SPSB1: variants seen among roughly 807,000 people sequenced by gnomAD.
SPSB1 encodes splA/ryanodine receptor domain and SOCS box containing 1.
A neutral mutation model predicts 21.2 loss-of-function variants in SPSB1; 8 were observed. The ratio of observed to expected loss-of-function variants is 0.38; its 90% CI spans 0.22 to 0.68. The LOEUF (loss-of-function observed/expected upper bound fraction) is 0.68. SPSB1 is among the 30% of genes least tolerant of loss of function. The probability of loss-of-function intolerance (pLI) is 0.53; values close to 1 mark genes in which losing one functional copy is unlikely to be tolerated. For synonymous variants in SPSB1, 169 were observed against 161.7 expected, an observed-to-expected ratio of 1.05 and a Z score of -0.34; for missense variants, 242 against 377.8, an observed-to-expected ratio of 0.64 and a Z score of 2.98.
chr1:9,315,423 G>C (rs568528366), intron 1 of SPSB1, among the ~76,000 whole-genome samples: 1 of 152,252 alleles, frequency 6.6e-6, no homozygotes, highest in Admixed American at 6.5e-5. Context: ...TCTCACGCAA[G>C]TCTTTACAAT....
intron 1 of SPSB1, among the ~76,000 whole-genome samples, chr1:9,338,516 ACT>A (rs1194182030): frequency 2.6e-5 from 4 of 152,144 alleles, no homozygotes; most frequent in Admixed American, 1.3e-4. Context: ...TGCCCTGGCC[ACT>A]CTCTTGCCAG....
At chr1:9,333,950 G>A (rs547801123) in intron 1 of SPSB1, among the ~76,000 whole-genome samples, 2 of 152,160 alleles carry the variant, frequency 1.3e-5, no homozygotes, top group South Asian at 2.1e-4. Context: ...TCATTTTTTT[G>A]CTTTTGTCCC....
chr1:9,299,034 C>A (rs1412392726), intron 1 of SPSB1, among the ~76,000 whole-genome samples: 1 of 152,226 alleles, frequency 6.6e-6, no homozygotes, highest in African/African-American at 2.4e-5. Context: ...ACCACATCCC[C>A]ATTCAACTCT....
chr1:9,309,465 G>A (rs1188916974), intron 1 of SPSB1, among the ~76,000 whole-genome samples: 1 of 152,084 alleles, frequency 6.6e-6, no homozygotes, highest in African/African-American at 2.4e-5. Context: ...TTATAGGTAT[G>A]TGTCACCATA....
At chr1:9,326,509 G>A (rs1477614400) in intron 1 of SPSB1, among the ~76,000 whole-genome samples, 1 of 152,254 alleles carries the variant, frequency 6.6e-6, no homozygotes, top group Non-Finnish European at 1.5e-5. Flanking sequence ...CAGAGTCACT[G>A]TCTGCATGTG....
At chr1:9,330,470 T>TAATAGC (rs769709084) in intron 1 of SPSB1, among the ~76,000 whole-genome samples, 1,519 of 41,686 alleles carry the variant, frequency 0.036, 16 homozygotes, top group African/African-American at 0.12. Flanking sequence ...TGTCTCAAAA[T>TAATAGC]AATAACAATA....
At chr1:9,332,169 A>G (rs1410872008) in intron 1 of SPSB1, among the ~76,000 whole-genome samples, 1 of 151,006 alleles carries the variant, frequency 6.6e-6, no homozygotes, top group Admixed American at 6.6e-5. Flanking sequence ...TGGGCAACAT[A>G]GTGAGACCCC....
In SPSB1 at chr1:9,318,628, C is replaced by T. The variant is rs72860834; in HGVS notation, c.-150+25557C>T. Among the ~76,000 whole-genome samples the T allele has an allele frequency of 8.2e-3, 1,249 of 152,322 alleles. 13 individuals carry two copies. The highest frequency in any genetic ancestry group is 0.029 in the African/African-American group (1,191 of 41,570). On this transcript the variant is annotated intron_variant, in intron 1 of 2. Transcript: ENST00000328089. ...GGGTGTGAGACTTACCTTGCGGAAT[C>T]GTGCAGGATTGACCAAAGCCAGACC...
chr1:9,322,964 G>C (rs1295615276), intron 1 of SPSB1, among the ~76,000 whole-genome samples: 1 of 152,078 alleles, frequency 6.6e-6, no homozygotes, highest in Non-Finnish European at 1.5e-5. Flanking sequence ...ATGGGCCTTG[G>C]AAATAGGTCA....
intron 1 of SPSB1, among the ~76,000 whole-genome samples, chr1:9,337,652 C>T (rs911887098): frequency 7.2e-5 from 11 of 152,312 alleles, no homozygotes; most frequent in African/African-American, 2.4e-4. Context: ...CTGGGGGTGG[C>T]ATCCGCTCAG....
chr1:9,323,751 G>A (rs1639765270), intron 1 of SPSB1, among the ~76,000 whole-genome samples: 1 of 152,160 alleles, frequency 6.6e-6, no homozygotes, highest in Non-Finnish European at 1.5e-5. Context: ...TGGTCCTACA[G>A]GCCTCAGTGA....
At chr1:9,311,973 C>G (rs994070296) in intron 1 of SPSB1, among the ~76,000 whole-genome samples, 3 of 152,026 alleles carry the variant, frequency 2.0e-5, no homozygotes, top group African/African-American at 7.2e-5. Context: ...AGACCTCATG[C>G]AGATGACGTT....
chr1:9,335,585 G>A (rs1282804214), intron 1 of SPSB1, among the ~76,000 whole-genome samples: 2 of 152,122 alleles, frequency 1.3e-5, no homozygotes, highest in African/African-American at 4.8e-5. Flanking sequence ...AAGGTGGGAG[G>A]GTTACTTTAG....
rs147807989 is a variant in SPSB1, at chr1:9,368,601, G to A, written c.*1026G>A. 2 of 152,262 alleles carry A rather than the reference G, an allele frequency of 1.3e-5. No homozygotes were observed. The highest frequency in any genetic ancestry group is 3.9e-4 in the East Asian group (2 of 5,188). The allele number at this position is 152,262 out of a possible 1,614,324, so 9.4% of individuals were successfully genotyped here. A position where few individuals can be genotyped will look rare whatever the true frequency, so the allele number is the denominator to read the frequency against. ...TTGATGTGGGTTTGATTTTGCTTTT[G>A]CTTTTCTAGCTGAGATTTCCCAAGT... is the stretch of plus-strand genomic sequence containing the variant. On this transcript the variant is annotated 3_prime_UTR_variant, in exon 3 of 3. Coordinates refer to ENST00000328089, the MANE Select transcript of SPSB1 (RefSeq NM_025106.4).
At chr1:9,297,922 C>T (rs1639252648) in intron 1 of SPSB1, among the ~76,000 whole-genome samples, 1 of 152,132 alleles carries the variant, frequency 6.6e-6, no homozygotes, top group Non-Finnish European at 1.5e-5. Flanking sequence ...TGAGGGGGCC[C>T]CAGCATCCCT....
At chr1:9,294,225 C>CGT (rs755409794) in intron 1 of SPSB1, among the ~76,000 whole-genome samples, 1 of 147,700 alleles carries the variant, frequency 6.8e-6, no homozygotes, top group South Asian at 2.2e-4. Context: ...TGTGTCTTTG[C>CGT]GTGTGTGTGT....
intron 1 of SPSB1, among the ~76,000 whole-genome samples, chr1:9,329,704 CAAA>C (rs370850231): frequency 0.02 from 1,781 of 87,034 alleles, 34 homozygotes; most frequent in African/African-American, 0.052. Context: ...AAAACAACAA[CAAA>C]AAAAAAAAAA....
At chr1:9,304,856 A>G (rs1039135298) in intron 1 of SPSB1, among the ~76,000 whole-genome samples, 2 of 152,068 alleles carry the variant, frequency 1.3e-5, no homozygotes, top group Non-Finnish European at 2.9e-5. Flanking sequence ...AATTTCTCAC[A>G]AAGACGGTGT....
In SPSB1 at chr1:9,307,832, G is replaced by A. The variant is rs547948414; in HGVS notation, c.-150+14761G>A. Among the ~76,000 whole-genome samples, 8 of 152,256 alleles carry A rather than the reference G, an allele frequency of 5.3e-5. No individual in the cohort carries two copies. The East Asian group carries it at 5.8e-4, about 11-fold the overall frequency. On this transcript the variant is annotated intron_variant, in intron 1 of 2. Coordinates refer to ENST00000328089, the MANE Select transcript of SPSB1 (RefSeq NM_025106.4). ...CATCAGCAGTTCCCATTGCTATTACGGTGAATTTGTAAATCCATGATGTGG... is the reference window on the plus strand; with the variant it reads ...CATCAGCAGTTCCCATTGCTATTACAGTGAATTTGTAAATCCATGATGTGG...
Sources: gnomAD v4.1 joint callset for allele counts (sites outside exome capture counted in the v4.1 genomes callset) on GRCh38, gnomAD v4.1.1 for gene constraint, MANE v1.5 for transcripts, NCBI Gene and HGNC (gene_info 2026-07-23, HGNC 2026-07-21) for gene names.